The following KCNC4 variants were observed in gnomAD, a reference collection of about 807,000 sequenced individuals.
The protein encoded by KCNC4 is voltage-gated potassium channel KCNC4.
Under a neutral mutation model 42.8 loss-of-function variants are expected in KCNC4, and 23 were observed. The ratio of observed to expected loss-of-function variants is 0.54; its 90% CI spans 0.39 to 0.76. KCNC4 has a LOEUF of 0.76. Ranked by LOEUF, KCNC4 falls within the 30% of genes least tolerant of loss-of-function variation. The pLI is 0.00. For synonymous variants in KCNC4, 422 were observed against 393.5 expected (o/e 1.07, Z -0.86); for missense variants, 751 against 898.2 (o/e 0.84, Z 2.10).
chr1:110,242,062 G>T (rs1659043811), exon 4 of KCNC4: 1 of 152,218 alleles, frequency 6.6e-6, no homozygotes, highest in Middle Eastern at 3.4e-3. Flanking sequence ...AATTATCCGG[G>T]ATGCTGGACC....
rs1657455460 is a variant in KCNC4, at chr1:110,211,610, GATC to G, written c.119_121del (p.Ile40del). 1 of 1,614,090 alleles carries G rather than the reference GATC, an allele frequency of 6.2e-7. No homozygotes were observed. The highest frequency in any genetic ancestry group is 1.1e-5 in the South Asian group (1 of 91,088). On this transcript the variant is annotated inframe_deletion, in exon 1 of 4. Transcript: ENST00000438661. This position sits in a 1 kb window ranked among gnomAD's most constrained non-coding sequence, Gnocchi z 6.5. ...TGGCCAAGGGCGAGGCGTCGGAGAA[GATC>G]ATCATCAACGTGGGCGGCACGCGAC...
At chr1:110,268,808 A>C (rs958145345) in intron 1 of KCNC4, among the ~76,000 whole-genome samples, 1 of 150,056 alleles carries the variant, frequency 6.7e-6, no homozygotes, top group African/African-American at 2.4e-5. Flanking sequence ...GCTCACTGCA[A>C]GCTCCGCCTC....
intron 1 of KCNC4, chr1:110,219,946 T>G (rs114198212): frequency 0.022 from 3,371 of 152,330 alleles, 74 homozygotes; most frequent in Non-Finnish European, 0.036. Flanking sequence ...CTCTGTCTCC[T>G]TGGGGAGTGA....
chr1:110,263,989 A>C (rs1659498126), intron 1 of KCNC4, among the ~76,000 whole-genome samples: 1 of 152,196 alleles, frequency 6.6e-6, no homozygotes, highest in South Asian at 2.1e-4. Context: ...CAACTGAAGA[A>C]TTCCAAAAGG....
chr1:110,222,097 A>T (rs1345151847), intron 1 of KCNC4: 1 of 152,188 alleles, frequency 6.6e-6, no homozygotes, highest in Non-Finnish European at 1.5e-5. Context: ...AGTTCCAGGA[A>T]ATGTCAGTTT....
At chr1:110,226,399 C>T in intron 3 of KCNC4, 1 of 588,164 alleles carries the variant, frequency 1.7e-6, no homozygotes, top group Non-Finnish European at 3.1e-6. Context: ...ATCCAGCTGC[C>T]CATGGGAAAG....
chr1:110,240,408 C>T (rs1659005336), exon 4 of KCNC4: 2 of 152,502 alleles, frequency 1.3e-5, no homozygotes, highest in African/African-American at 2.4e-5. Context: ...AGAGACTCCC[C>T]TCAGCTCCCC....
Position 110,226,255 on chromosome 1 carries a change from GT to G in KCNC4, c.1819+78del, listed in dbSNP as rs756645569. 19 of 1,282,354 alleles carry G rather than the reference GT, an allele frequency of 1.5e-5. No individual in the cohort carries two copies. In the South Asian group the frequency reaches 2.1e-4, roughly 14 times the overall value. The allele number at this position is 1,282,354 out of a possible 1,614,324, so 79.4% of individuals were successfully genotyped here. ...CCGAGTCCCCCACCAAGAGCCTGAG[GT>G]CCCCCCCTCCCCTGAGACCGTGGCC... On this transcript the variant is annotated intron_variant, in intron 3 of 3. Coordinates refer to ENST00000438661, the MANE Select transcript of KCNC4 (RefSeq NM_001039574.3).
chr1:110,211,897 G>A lies in KCNC4; in HGVS notation c.398G>A (p.Trp133Ter). 1 of 1,611,668 alleles carries A rather than the reference G, an allele frequency of 6.2e-7. No homozygotes were observed. Among genetic ancestry groups the A allele is most frequent in the South Asian group, 1.1e-5 (1 of 90,998 alleles). The part of the protein sequence containing the change: ...GPLFEEELTF[W>*]GIDETDVEPC... Reference sequence around the variant, plus strand: ...CTCTTCGAAGAGGAGCTCACCTTCTGGGGCATCGACGAGACCGACGTGGAA... The same window carrying A: ...CTCTTCGAAGAGGAGCTCACCTTCTAGGGCATCGACGAGACCGACGTGGAA... Residue 133 changes from tryptophan to a stop codon, truncating the protein, a stop_gained, in exon 1 of 4, where the codon TGG (tryptophan) becomes TAG (stop). Coordinates refer to ENST00000438661, the MANE Select transcript of KCNC4 (RefSeq NM_001039574.3). LOFTEE classifies it high-confidence loss of function. The surrounding 1 kb of genome is among the most constrained non-coding windows in gnomAD (Gnocchi z 6.5).
downstream of KCNC4, chr1:110,236,103 A>G (rs1658899212): frequency 6.6e-6 from 1 of 152,214 alleles, no homozygotes. Context: ...CTCACTTTTC[A>G]GTGAATCAGC....
At chr1:110,260,652 C>T (rs1340490589) in intron 1 of KCNC4, among the ~76,000 whole-genome samples, 3 of 152,144 alleles carry the variant, frequency 2.0e-5, no homozygotes, top group Admixed American at 1.3e-4. Context: ...AAGAAGTTGA[C>T]AGAAAAATGC....
intron 1 of KCNC4, chr1:110,221,440 C>T (rs1342111539): frequency 6.6e-6 from 1 of 152,240 alleles, no homozygotes; most frequent in Non-Finnish European, 1.5e-5. Context: ...ACAGAAGAGA[C>T]AGCTGATAAC....
intron 1 of KCNC4, among the ~76,000 whole-genome samples, chr1:110,254,152 C>A (rs927252074): frequency 2.3e-4 from 35 of 151,116 alleles, no homozygotes; most frequent in Non-Finnish European, 4.6e-4. Flanking sequence ...GAACCCCAAG[C>A]AGCTCTGCTG....
chr1:110,269,931 G>T (rs538380387), intron 1 of KCNC4, among the ~76,000 whole-genome samples: 19 of 152,116 alleles, frequency 1.2e-4, no homozygotes, highest in Non-Finnish European at 2.5e-4. Flanking sequence ...TTTTTGTGCT[G>T]CTTTTTCTCA....
chr1:110,232,067 C>CG (rs1326328572), intron 3 of KCNC4, among the ~76,000 whole-genome samples: 1 of 152,134 alleles, frequency 6.6e-6, no homozygotes, highest in African/African-American at 2.4e-5. Context: ...AGCAGTACTC[C>CG]TACCTGCCCT....
chr1:110,275,603 T>C (rs1570586533), intron 1 of KCNC4, among the ~76,000 whole-genome samples: 1 of 152,304 alleles, frequency 6.6e-6, no homozygotes, highest in Non-Finnish European at 1.5e-5. Flanking sequence ...AACCTGAGTG[T>C]CCATCAATGG....
chr1:110,250,195 A>T (rs1487178496), downstream of KCNC4, among the ~76,000 whole-genome samples: 1 of 151,506 alleles, frequency 6.6e-6, no homozygotes, highest in Non-Finnish European at 1.5e-5. Flanking sequence ...GGCCTCGCAC[A>T]CTCATCTGGC....
chr1:110,232,174 G>T (rs1389780231), intron 3 of KCNC4: 1 of 1,591,146 alleles, frequency 6.3e-7, no homozygotes, highest in Non-Finnish European at 8.6e-7. Context: ...CTGAGGGGTT[G>T]GGTTTCTCAA....
At position 110,211,374 on chromosome 1, in the gene KCNC4, G is replaced by A. The variant is rs1164503082; in HGVS notation, c.-126G>A. 5 of 1,395,404 alleles carry A rather than the reference G, an allele frequency of 3.6e-6. No individual in the cohort carries two copies. Among genetic ancestry groups the A allele is most frequent in the Non-Finnish European group, 4.8e-6 (5 of 1,043,594 alleles). 86.4% of individuals were successfully genotyped at this position (1,395,404 alleles called of 1,614,324 possible). A position where few individuals can be genotyped will look rare whatever the true frequency, so the allele number is the denominator to read the frequency against. ...TAGGCAGGGGCAAGCCCAAGCCGCA[G>A]AGGGGGCCGCCACCGCCTCCTGCCT... On this transcript the variant is annotated 5_prime_UTR_variant, in exon 1 of 4. Coordinates refer to ENST00000438661, the MANE Select transcript of KCNC4 (RefSeq NM_001039574.3). This position sits in a 1 kb window ranked among gnomAD's most constrained non-coding sequence, Gnocchi z 6.5.
Sources: allele counts gnomAD v4.1 joint callset (sites outside exome capture counted in the v4.1 genomes callset), GRCh38; gene constraint gnomAD v4.1.1; non-coding constraint Gnocchi (gnomAD v3.1); transcripts MANE v1.5; gene names NCBI Gene and HGNC (gene_info 2026-07-23, HGNC 2026-07-21).